The following CCDC7 variants were observed in gnomAD, a reference collection of about 807,000 sequenced individuals.
CCDC7 encodes coiled-coil domain-containing protein 7.
Under a neutral mutation model 196.9 loss-of-function variants are expected in CCDC7, and 183 were observed. That is an observed-to-expected ratio of 0.93 (90% CI 0.82 to 1.05). The LOEUF (loss-of-function observed/expected upper bound fraction) is 1.05. Ranked by LOEUF, CCDC7 falls within the 50% of genes least tolerant of loss-of-function variation. The pLI, the probability that CCDC7 is intolerant of heterozygous loss-of-function variation, is 0.00. For missense variants in CCDC7, 1,540 were observed against 1,482.2 expected (o/e 1.04, Z -0.64); for synonymous variants, 525 against 484.6 (o/e 1.08, Z -1.10).
At chr10:32,521,725 TC>T (rs924491732) in intron 11 of CCDC7, among the ~76,000 whole-genome samples, 3 of 152,260 alleles carry the variant, frequency 2.0e-5, no homozygotes. Flanking sequence ...AGTGAGAACT[TC>T]CAGTACTATG....
At chr10:32,524,359 A>G (rs933083544) in intron 11 of CCDC7, among the ~76,000 whole-genome samples, 12 of 152,100 alleles carry the variant, frequency 7.9e-5, no homozygotes, top group South Asian at 4.2e-4. Context: ...TATAGTTATT[A>G]TTTTTGTTTG....
intron 16 of CCDC7, among the ~76,000 whole-genome samples, chr10:32,580,005 A>G (rs983577103): frequency 1.3e-5 from 2 of 152,018 alleles, no homozygotes; most frequent in African/African-American, 2.4e-5. Flanking sequence ...AGCAGAGCAC[A>G]TTGCAATATT....
intron 28 of CCDC7, among the ~76,000 whole-genome samples, chr10:32,772,132 G>A (rs540165770): frequency 1.3e-5 from 2 of 152,204 alleles, no homozygotes; most frequent in African/African-American, 4.8e-5. Flanking sequence ...GAGTCTCCCT[G>A]TGCAGGGCAA....
chr10:32,837,742 G>T (rs537859224), intron 33 of CCDC7, among the ~76,000 whole-genome samples: 1 of 152,008 alleles, frequency 6.6e-6, no homozygotes, highest in Admixed American at 6.6e-5. Context: ...ATACCATGCA[G>T]CCATAAAAAA....
intron 24 of CCDC7, among the ~76,000 whole-genome samples, chr10:32,698,323 A>G (rs562979174): frequency 8.5e-5 from 13 of 152,328 alleles, no homozygotes; most frequent in African/African-American, 2.4e-4. Flanking sequence ...CCTTGCCAGC[A>G]TCAGAAGAAA....
chr10:32,665,370 A>G (rs2072431391), intron 21 of CCDC7, among the ~76,000 whole-genome samples: 1 of 151,942 alleles, frequency 6.6e-6, no homozygotes, highest in Non-Finnish European at 1.5e-5. Context: ...GGGTCATATT[A>G]AAAAAATCTT....
intron 8 of CCDC7, among the ~76,000 whole-genome samples, chr10:32,490,524 C>A (rs1461158900): frequency 1.3e-5 from 2 of 152,144 alleles, no homozygotes; most frequent in African/African-American, 4.8e-5. Context: ...TGGCTGGGTG[C>A]AGTGGCTCAC....
chr10:32,830,484 C>T (rs141609533), intron 32 of CCDC7, among the ~76,000 whole-genome samples: 147 of 151,772 alleles, frequency 9.7e-4, no homozygotes, highest in African/African-American at 3.2e-3. Flanking sequence ...GGAGCAACTA[C>T]AAAATAATTC....
At chr10:32,518,908 C>T (rs1007434546) in intron 11 of CCDC7, among the ~76,000 whole-genome samples, 1 of 152,050 alleles carries the variant, frequency 6.6e-6, no homozygotes, top group Non-Finnish European at 1.5e-5. Context: ...TTTGTTTCCT[C>T]TTGTATTTTA....
chr10:32,571,956 G>A, intron 16 of CCDC7, 63 bp downstream of exon 17: 1 of 1,401,800 alleles, frequency 7.1e-7, no homozygotes, highest in Non-Finnish European at 9.5e-7. Context: ...ACATACCTAA[G>A]CAATGAAAAT....
At chr10:32,523,804 T>G (rs1010736833) in intron 11 of CCDC7, among the ~76,000 whole-genome samples, 1 of 152,186 alleles carries the variant, frequency 6.6e-6, no homozygotes, top group Non-Finnish European at 1.5e-5. Flanking sequence ...CTCCTGCTTT[T>G]TTTTTGGTTT....
exon 19 of CCDC7, chr10:32,634,307 A>T: frequency 1.6e-6 from 2 of 1,219,674 alleles, no homozygotes; most frequent in Non-Finnish European, 2.0e-6. Context: ...AGATTCAGTA[A>T]CAAAAGTCCA....
intron 18 of CCDC7, among the ~76,000 whole-genome samples, chr10:32,618,173 T>C (rs1337550004): frequency 6.6e-6 from 1 of 151,990 alleles, no homozygotes; most frequent in African/African-American, 2.4e-5. Flanking sequence ...TTTGATCATA[T>C]TTTTTAATGC....
upstream of CCDC7, chr10:32,446,132 G>T (rs1592672700): frequency 6.6e-6 from 1 of 152,184 alleles, no homozygotes; most frequent in Non-Finnish European, 1.5e-5. Context: ...CGCCTGGGAC[G>T]TGGCTTCAAC....
chr10:32,568,407 C>G (rs1445001306), intron 15 of CCDC7, among the ~76,000 whole-genome samples: 1 of 152,092 alleles, frequency 6.6e-6, no homozygotes, highest in Non-Finnish European at 1.5e-5. Context: ...TTTTGAATGA[C>G]CACATAAGCA....
At chr10:32,484,830 G>A (rs1032448761) in intron 8 of CCDC7, among the ~76,000 whole-genome samples, 1 of 152,188 alleles carries the variant, frequency 6.6e-6, no homozygotes, top group Non-Finnish European at 1.5e-5. Flanking sequence ...AACCAGCCTT[G>A]CATCCCAGGG....
chr10:32,561,079 G>A (rs9672447), intron 13 of CCDC7, among the ~76,000 whole-genome samples: 52,463 of 151,998 alleles, frequency 0.35, 11,473 homozygotes, highest in Non-Finnish European at 0.5. Flanking sequence ...AGGCCATTAC[G>A]TAATGGTAAA....
chr10:32,663,196 G>A lies in CCDC7; in HGVS notation c.2015-858G>A, dbSNP rs1002985148. Among the ~76,000 whole-genome samples, 3 of 152,188 alleles carry A rather than the reference G, an allele frequency of 2.0e-5. No homozygotes were observed. In the South Asian group the frequency reaches 6.2e-4, roughly 32 times the overall value. On this transcript the variant is annotated intron_variant, in intron 20 of 41. Transcript: ENST00000639629. ...ACGAGAGTAACTCATTTAAGGTAAA[G>A]GTGAACTATTCACATCTCTTCTATG...
intron 31 of CCDC7, among the ~76,000 whole-genome samples, chr10:32,815,762 C>T (rs1173584766): frequency 6.6e-6 from 1 of 152,120 alleles, no homozygotes; most frequent in Non-Finnish European, 1.5e-5. Context: ...AACAATTCAT[C>T]CCGTAGAAGA....
Sources: gnomAD v4.1 joint callset for allele counts (sites outside exome capture counted in the v4.1 genomes callset) on GRCh38, gnomAD v4.1.1 for gene constraint, MANE v1.5 for transcripts, NCBI Gene and HGNC (gene_info 2026-07-23, HGNC 2026-07-21) for gene names.